The following KIAA1328 variants were observed in gnomAD, a reference collection of about 807,000 sequenced individuals.
KIAA1328 encodes protein hinderin.
In KIAA1328, 52 loss-of-function variants were observed where a neutral mutation model predicts 68.1. The ratio of observed to expected loss-of-function variants is 0.76; its 90% confidence interval spans 0.61 to 0.96. KIAA1328 has a LOEUF of 0.96. KIAA1328 is among the 40% of genes least tolerant of loss of function. The pLI is 0.00. For missense variants in KIAA1328, 641 were observed against 677.6 expected (o/e 0.95, Z 0.60); for synonymous variants, 232 against 239.4 (o/e 0.97, Z 0.28).
intron 4 of KIAA1328, among the ~76,000 whole-genome samples, chr18:36,859,359 A>C (rs1178949108): frequency 1.4e-5 from 2 of 147,420 alleles, no homozygotes; most frequent in African/African-American, 5.0e-5. Context: ...TTCTGTTCTC[A>C]ATTTTATTAT....
chr18:37,097,305 T>C (rs1182270376), intron 7 of KIAA1328, among the ~76,000 whole-genome samples: 1 of 152,250 alleles, frequency 6.6e-6, no homozygotes, highest in Non-Finnish European at 1.5e-5. Context: ...TAGCCAGTTT[T>C]CCCAGCACTT....
intron 9 of KIAA1328, among the ~76,000 whole-genome samples, chr18:37,212,006 T>C (rs921574883): frequency 2.4e-4 from 36 of 152,312 alleles, no homozygotes; most frequent in African/African-American, 7.9e-4. Context: ...AAGCATGAAA[T>C]TGGATAGAAA....
intron 5 of KIAA1328, among the ~76,000 whole-genome samples, chr18:36,909,961 C>A (rs946974044): frequency 1.1e-4 from 16 of 152,116 alleles, no homozygotes; most frequent in African/African-American, 3.9e-4. Context: ...ATATCCTTCA[C>A]CCACTTTTTG....
intron 6 of KIAA1328, among the ~76,000 whole-genome samples, chr18:36,963,781 A>G (rs1490448593): frequency 6.6e-6 from 1 of 152,110 alleles, no homozygotes; most frequent in Non-Finnish European, 1.5e-5. Context: ...GTTATTTTGT[A>G]ATCGTTGTTA....
chr18:36,846,955 C>T (rs1049266832), intron 4 of KIAA1328, among the ~76,000 whole-genome samples: 1 of 151,384 alleles, frequency 6.6e-6, no homozygotes, highest in African/African-American at 2.4e-5. Context: ...TCCCTCTTGC[C>T]CCTAGTAATC....
intron 8 of KIAA1328, among the ~76,000 whole-genome samples, chr18:37,168,017 C>G (rs2059425477): frequency 6.6e-6 from 1 of 152,122 alleles, no homozygotes; most frequent in Non-Finnish European, 1.5e-5. Flanking sequence ...GATTATACAT[C>G]ATAACTAAGT....
In KIAA1328 at chr18:36,829,197, G is replaced by C; in HGVS notation, c.58+1G>C. ...GCCGCGGCGTTCTGGAGCCGGGACT[G>C]TATCCTTTGCCCGCCTGACAGGGGG... On this transcript the variant is annotated splice_donor_variant, in intron 1 of 9. Transcript: ENST00000280020. LOFTEE classifies it high-confidence loss of function. The C allele has an allele frequency of 6.5e-7, 1 of 1,528,118 alleles. No individual in the cohort carries two copies. Among genetic ancestry groups the C allele is most frequent in the Non-Finnish European group, 8.8e-7 (1 of 1,139,764 alleles). 94.7% of individuals were successfully genotyped at this position (1,528,118 alleles called of 1,614,324 possible). A position where few individuals can be genotyped will look rare whatever the true frequency, so the allele number is the denominator to read the frequency against.
chr18:36,970,654 C>T (rs1202426816), intron 6 of KIAA1328, among the ~76,000 whole-genome samples: 2 of 151,978 alleles, frequency 1.3e-5, no homozygotes, highest in Non-Finnish European at 2.9e-5. Context: ...TTGCTATACA[C>T]CAATAATAGA....
intron 4 of KIAA1328, among the ~76,000 whole-genome samples, chr18:36,870,276 G>T (rs144457065): frequency 1.3e-5 from 2 of 152,264 alleles, no homozygotes; most frequent in African/African-American, 4.8e-5. Context: ...ATCAGTTTTT[G>T]TCAAGTAATA....
chr18:37,004,817 A>G lies in KIAA1328; in HGVS notation c.576+45382A>G, dbSNP rs1347895511. 2.0e-5 allele frequency among the ~76,000 whole-genome samples: 3 copies of G among 152,282 alleles called. No homozygotes were observed. In the South Asian group the frequency reaches 6.2e-4, roughly 32 times the overall value. The stretch of plus-strand genomic sequence containing the variant: ...CTTGCACATGCACGTTTATAACAGC[A>G]CAATTCACAATTGCAAAAATATGGA... On this transcript the variant is annotated intron_variant, in intron 6 of 9. Coordinates refer to ENST00000280020, the MANE Select transcript of KIAA1328 (RefSeq NM_020776.3).
intron 7 of KIAA1328, among the ~76,000 whole-genome samples, chr18:37,101,292 C>T (rs2057607559): frequency 6.6e-6 from 1 of 152,064 alleles, no homozygotes; most frequent in African/African-American, 2.4e-5. Context: ...AAATGGCTAA[C>T]TAGAATAACC....
intron 9 of KIAA1328, among the ~76,000 whole-genome samples, chr18:37,199,869 A>G (rs2060075020): frequency 6.6e-6 from 1 of 152,124 alleles, no homozygotes; most frequent in East Asian, 1.9e-4. Flanking sequence ...ATTTTTTCAT[A>G]TGATTGTTGG....
chr18:36,941,233 AT>A (rs1568190745), intron 5 of KIAA1328, among the ~76,000 whole-genome samples: 2 of 152,028 alleles, frequency 1.3e-5, no homozygotes, highest in South Asian at 2.1e-4. Flanking sequence ...TACATGTATA[AT>A]TTTTTTCTCC....
intron 6 of KIAA1328, among the ~76,000 whole-genome samples, chr18:37,007,513 C>A (rs1231224750): frequency 6.6e-6 from 1 of 152,120 alleles, no homozygotes; most frequent in Non-Finnish European, 1.5e-5. Flanking sequence ...AGAACAGTTG[C>A]AAGAAAGCGT....
At chr18:37,075,065 T>C (rs1173452040) in intron 7 of KIAA1328, 9 of 151,776 alleles carry the variant, frequency 5.9e-5, no homozygotes, top group African/African-American at 1.9e-4. Context: ...GGAAAAAATG[T>C]TAAGGGCAGC....
rs199646013 is a variant in KIAA1328, at chr18:36,987,491, AAAAT to A, written c.576+28072_576+28075del. On this transcript the variant is annotated intron_variant, in intron 6 of 9. Coordinates refer to ENST00000280020, the MANE Select transcript of KIAA1328 (RefSeq NM_020776.3). ...CCTAAAACTTAGAGTATAATAAAAA[AAAAT>A]AAATAAATAAATAAAAATAAAAAAA... Among the ~76,000 whole-genome samples, 218 of 75,422 alleles carry A rather than the reference AAAAT, an allele frequency of 2.9e-3. 4 individuals are homozygous for A. Among genetic ancestry groups the A allele is most frequent in the African/African-American group, 5.7e-3 (188 of 32,966 alleles). 49.5% of individuals were successfully genotyped at this position (75,422 alleles called of 152,430 possible).
At chr18:37,173,583 C>T (rs537207204) in intron 9 of KIAA1328, among the ~76,000 whole-genome samples, 2 of 152,314 alleles carry the variant, frequency 1.3e-5, no homozygotes, top group South Asian at 2.1e-4. Context: ...CCAACTCCCA[C>T]ATTATGCAAT....
intron 6 of KIAA1328, among the ~76,000 whole-genome samples, chr18:36,982,681 T>C (rs1357198321): frequency 1.3e-5 from 2 of 152,004 alleles, no homozygotes; most frequent in African/African-American, 4.8e-5. Context: ...GATGGAAATA[T>C]ACATAAACTA....
At chr18:36,947,543 A>T (rs893889190) in intron 5 of KIAA1328, among the ~76,000 whole-genome samples, 5 of 152,204 alleles carry the variant, frequency 3.3e-5, no homozygotes, top group African/African-American at 1.2e-4. Flanking sequence ...AAGACCAGGA[A>T]TCAATAGAAA....
Sources: gnomAD v4.1 joint callset for allele counts (sites outside exome capture counted in the v4.1 genomes callset) on GRCh38, gnomAD v4.1.1 for gene constraint, MANE v1.5 for transcripts, NCBI Gene and HGNC (gene_info 2026-07-23, HGNC 2026-07-21) for gene names.